The following RAB6A variants were observed in gnomAD, a reference collection of about 807,000 sequenced individuals.
The protein encoded by RAB6A is RAB6A, member RAS oncogene family, also known as ras-related protein Rab-6A.
Under a neutral mutation model 32.3 loss-of-function variants are expected in RAB6A, and 8 were observed. The observed-to-expected ratio is 0.25, with a 90% confidence interval of 0.15 to 0.45. The LOEUF is 0.45. Ranked by LOEUF, RAB6A falls within the 20% of genes least tolerant of loss-of-function variation. The probability of loss-of-function intolerance (pLI) is 1.00; values close to 1 mark genes in which losing one functional copy is unlikely to be tolerated. For missense variants in RAB6A, 104 were observed against 249.4 expected (o/e 0.42, Z 3.93); for synonymous variants, 73 against 82.1 (o/e 0.89, Z 0.60).
At chr11:73,753,507 C>T (rs1347049586) in intron 1 of RAB6A, among the ~76,000 whole-genome samples, 2 of 151,482 alleles carry the variant, frequency 1.3e-5, no homozygotes, top group African/African-American at 2.4e-5. Flanking sequence ...GTCAGGAGAT[C>T]GAGACCATCC....
chr11:73,714,489 G>C (rs568185918), intron 5 of RAB6A, among the ~76,000 whole-genome samples: 1 of 151,022 alleles, frequency 6.6e-6, no homozygotes, highest in South Asian at 2.1e-4. Context: ...GTGAAACCTC[G>C]TCTCTACTAA....
chr11:73,685,607 G>A (rs1187245709), intron 6 of RAB6A, among the ~76,000 whole-genome samples: 1 of 3,792 alleles, frequency 2.6e-4, no homozygotes, highest in Non-Finnish European at 9.8e-4. Context: ...GACCAGGTGC[G>A]GTGCCTCACG....
chr11:73,681,121 T>C (rs1055895022), intron 6 of RAB6A, among the ~76,000 whole-genome samples: 12 of 152,188 alleles, frequency 7.9e-5, no homozygotes, highest in African/African-American at 2.4e-4. Context: ...AAGTACTTGC[T>C]TACTTGAGGC....
chr11:73,737,766 G>A (rs373752347), intron 1 of RAB6A, among the ~76,000 whole-genome samples: 8 of 151,948 alleles, frequency 5.3e-5, no homozygotes, highest in African/African-American at 1.4e-4. Context: ...AGGCCAAGGC[G>A]GGTGGATCAT....
intron 6 of RAB6A, among the ~76,000 whole-genome samples, chr11:73,691,810 C>G (rs911912161): frequency 6.6e-6 from 1 of 151,910 alleles, no homozygotes; most frequent in African/African-American, 2.4e-5. Context: ...AAAATACACA[C>G]GCACACAAAA....
At chr11:73,724,493 T>G (rs931974157) in intron 2 of RAB6A, among the ~76,000 whole-genome samples, 1 of 149,972 alleles carries the variant, frequency 6.7e-6, no homozygotes, top group Non-Finnish European at 1.5e-5. Context: ...CGTTTTTTTT[T>G]TTTTTTTTTT....
intron 6 of RAB6A, among the ~76,000 whole-genome samples, chr11:73,697,382 G>A (rs1275584028): frequency 6.6e-6 from 1 of 151,480 alleles, no homozygotes; most frequent in Non-Finnish European, 1.5e-5. Context: ...CCAGACTGGA[G>A]TGCAGTGGCA....
At chr11:73,742,792 A>T (rs1049664500) in intron 1 of RAB6A, among the ~76,000 whole-genome samples, 1 of 151,952 alleles carries the variant, frequency 6.6e-6, no homozygotes, top group African/African-American at 2.4e-5. Context: ...CTGGGCAACA[A>T]GAATGAAAAT....
In RAB6A at chr11:73,761,044, G is replaced by GC. The variant is rs1001158492; in HGVS notation, c.-410dup. 3.1e-5 allele frequency: 5 copies of GC among 158,742 alleles called. No individual in the cohort carries two copies. Among genetic ancestry groups the GC allele is most frequent in the African/African-American group, 1.2e-4 (5 of 40,792 alleles). The allele number at this position is 158,742 out of a possible 1,614,324, so 9.8% of individuals were successfully genotyped here. On this transcript the variant is annotated 5_prime_UTR_variant, in exon 1 of 8. Coordinates refer to ENST00000336083, the MANE Select transcript of RAB6A (RefSeq NM_198896.2). ...GCGCAGCGCCTGAGCTTCCACAGCT[G>GC]CCGCCGCCGCCGCAGCCCAACCTGC...
At chr11:73,707,776 A>G (rs950611491) in intron 5 of RAB6A, among the ~76,000 whole-genome samples, 3 of 152,130 alleles carry the variant, frequency 2.0e-5, no homozygotes, top group Non-Finnish European at 4.4e-5. Context: ...TACTTTTACA[A>G]ACTTAATAGC....
chr11:73,721,644 AAGAC>A (rs1229044482), intron 2 of RAB6A, among the ~76,000 whole-genome samples: 14 of 152,262 alleles, frequency 9.2e-5, no homozygotes, highest in South Asian at 2.1e-4. Flanking sequence ...GAATGGAAGA[AAGAC>A]AGACTCCAGA....
chr11:73,754,784 G>C (rs1946720542), intron 1 of RAB6A, among the ~76,000 whole-genome samples: 2 of 151,984 alleles, frequency 1.3e-5, no homozygotes, highest in African/African-American at 4.8e-5. Context: ...GCCAGGCATG[G>C]CGGCATGTAC....
intron 5 of RAB6A, among the ~76,000 whole-genome samples, chr11:73,710,686 G>A (rs188827862): frequency 6.6e-4 from 100 of 151,950 alleles, no homozygotes; most frequent in Non-Finnish European, 1.1e-3. Flanking sequence ...GCAGTGAGCC[G>A]AGGTTGTGCT....
At chr11:73,737,396 T>C (rs1165132017) in intron 1 of RAB6A, among the ~76,000 whole-genome samples, 1 of 152,044 alleles carries the variant, frequency 6.6e-6, no homozygotes, top group Non-Finnish European at 1.5e-5. Context: ...AGCAGAAGGA[T>C]TGCTTGAACC....
At chr11:73,733,170 T>C (rs561224080) in intron 1 of RAB6A, among the ~76,000 whole-genome samples, 3 of 152,312 alleles carry the variant, frequency 2.0e-5, no homozygotes, top group Admixed American at 2.0e-4. Context: ...CTGCTTCTGC[T>C]GTTACATTGA....
chr11:73,735,920 T>TAAAAAAAAA (rs10676769), intron 1 of RAB6A, among the ~76,000 whole-genome samples: 1 of 87,082 alleles, frequency 1.1e-5, no homozygotes. Flanking sequence ...AACCTTGCCT[T>TAAAAAAAAA]AAAAAAAAAA....
chr11:73,693,746 T>G (rs975690774), intron 6 of RAB6A, among the ~76,000 whole-genome samples: 1 of 151,590 alleles, frequency 6.6e-6, no homozygotes, highest in Admixed American at 6.6e-5. Context: ...TCAGGTGTGG[T>G]GGTGGACGCC....
At chr11:73,694,395 T>A (rs1945625295) in intron 6 of RAB6A, among the ~76,000 whole-genome samples, 1 of 152,214 alleles carries the variant, frequency 6.6e-6, no homozygotes, top group African/African-American at 2.4e-5. Context: ...GAGCTGAGAT[T>A]CCAAAGCTCG....
chr11:73,724,884 G>A (rs1946193558), intron 2 of RAB6A, among the ~76,000 whole-genome samples: 1 of 152,172 alleles, frequency 6.6e-6, no homozygotes, highest in Non-Finnish European at 1.5e-5. Flanking sequence ...TTCCATGAGA[G>A]TAAGGTTGGT....
Sources: allele counts gnomAD v4.1 joint callset (sites outside exome capture counted in the v4.1 genomes callset), GRCh38; gene constraint gnomAD v4.1.1; transcripts MANE v1.5; gene names NCBI Gene and HGNC (gene_info 2026-07-23, HGNC 2026-07-21).